Variants in ZNF66 observed in about 807,000 individuals in gnomAD.
ZNF66 encodes zinc finger protein 66, also known as putative zinc finger protein 66.
Under a neutral mutation model 35.2 loss-of-function variants are expected in ZNF66, and 32 were observed. The observed-to-expected ratio is 0.91, with a 90% confidence interval of 0.69 to 1.22. The LOEUF (loss-of-function observed/expected upper bound fraction) is 1.22, where lower values mean the gene tolerates loss of function less well. Among genes scored for constraint, ZNF66 ranks in the 50% most tolerant of loss-of-function variants. The probability of loss-of-function intolerance (pLI) is 0.00; values close to 1 mark genes in which losing one functional copy is unlikely to be tolerated. For missense variants in ZNF66, 666 were observed against 543.1 expected (o/e 1.23, Z -2.25); for synonymous variants, 231 against 181.3 (o/e 1.27, Z -2.20).
rs1218348367 is a variant in ZNF66 at position 20,808,164 on chromosome 19, GC to G, written c.*844del. 5.3e-5 allele frequency among the ~76,000 whole-genome samples: 8 copies of G among 152,196 alleles called. No individual in the cohort carries two copies. The highest frequency in any genetic ancestry group is 3.9e-4 in the Admixed American group (6 of 15,284). On this transcript the variant is annotated 3_prime_UTR_variant, in exon 4 of 4. Transcript: ENST00000344519. Reference sequence around the variant, plus strand: ...GCAGCAGCGAGGCTGGGGGAGGAGCGCCTGCCATTGCCCAGGCTTGCTTAGG... The same window carrying G: ...GCAGCAGCGAGGCTGGGGGAGGAGCGCTGCCATTGCCCAGGCTTGCTTAGG...
intron 1 of ZNF66, among the ~76,000 whole-genome samples, chr19:20,787,395 G>T (rs944957129): frequency 6.6e-6 from 1 of 152,152 alleles, no homozygotes; most frequent in African/African-American, 2.4e-5. Context: ...TACTTAGATT[G>T]TATTCCACTT....
chr19:20,792,468 G>A lies in ZNF66; in HGVS notation c.4-44G>A, dbSNP rs376463795. ...CACCTTAAGTCAAATTAAAAATTCC[G>A]CCCATAACCACTTGGTGAAAATGTG... On this transcript the variant is annotated intron_variant, in intron 1 of 3. Transcript: ENST00000344519. 2.1e-4 allele frequency: 301 copies of A among 1,445,538 alleles called. 2 individuals are homozygous for A. In the African/African-American group the frequency reaches 3.3e-3, roughly 16 times the overall value. 89.5% of individuals were successfully genotyped at this position (1,445,538 alleles called of 1,614,324 possible).
chr19:20,805,126 T>TGTGTGTGA (rs752355466), intron 3 of ZNF66, among the ~76,000 whole-genome samples: 6 of 146,082 alleles, frequency 4.1e-5, no homozygotes, highest in Admixed American at 1.4e-4. Context: ...TGTGTGTGTG[T>TGTGTGTGA]GAGAGAGAGA....
Position 20,776,433 on chromosome 19 carries a change from C to T in ZNF66, c.-15C>T, listed in dbSNP as rs1440245945. 1.9e-6 allele frequency: 3 copies of T among 1,559,178 alleles called. No individual in the cohort carries two copies. The South Asian group carries it at 3.3e-5, about 17-fold the overall frequency. On this transcript the variant is annotated 5_prime_UTR_variant, in exon 1 of 4. Transcript: ENST00000344519. ...ATCCACAGCTAAGACGCCAGGACCC[C>T]CTGGAAGCCTAGAAATGGTGAGAGT... is the stretch of plus-strand genomic sequence containing the variant.
At chr19:20,781,846 T>C (rs1243869008) in intron 1 of ZNF66, among the ~76,000 whole-genome samples, 2 of 151,810 alleles carry the variant, frequency 1.3e-5, no homozygotes, top group Non-Finnish European at 2.9e-5. Context: ...TCCAGCTTCA[T>C]TGATGTTATT....
intron 1 of ZNF66, chr19:20,784,518 A>G (rs1159697207): frequency 6.6e-6 from 1 of 152,184 alleles, no homozygotes; most frequent in Non-Finnish European, 1.5e-5. Flanking sequence ...CCCCAACACC[A>G]TAATACCTCT....
Position 20,792,569 on chromosome 19 carries a change from C to A in ZNF66, c.61C>A (p.Leu21Met), listed in dbSNP as rs1971348336. Residue 21 changes from leucine to methionine, a missense_variant, in exon 2 of 4, where the codon CTG becomes ATG. By Grantham distance (15) the Leu-to-Met change is conservative. Coordinates refer to ENST00000344519, the MANE Select transcript of ZNF66 (RefSeq NM_001355197.2). ...IEFSLEEWHCLDMAQRNLYRD... is the reference protein window; with the variant it reads ...IEFSLEEWHCMDMAQRNLYRD... ...ATTCTCTCTGGAGGAGTGGCATTGCCTGGACATGGCACAGCGGAATTTATA... is the reference window on the plus strand; with the variant it reads ...ATTCTCTCTGGAGGAGTGGCATTGCATGGACATGGCACAGCGGAATTTATA... 3.3e-6 allele frequency: 5 copies of A among 1,524,702 alleles called. No individual in the cohort carries two copies. The South Asian group carries it at 4.6e-5, about 14-fold the overall frequency. 94.4% of individuals were successfully genotyped at this position (1,524,702 alleles called of 1,614,324 possible).
At chr19:20,780,400 T>C (rs1971235156) in intron 1 of ZNF66, among the ~76,000 whole-genome samples, 1 of 152,176 alleles carries the variant, frequency 6.6e-6, no homozygotes, top group Non-Finnish European at 1.5e-5. Context: ...CATATTAAAC[T>C]GGTAAACATA....
rs145815410 is a variant in ZNF66 at position 20,808,936 on chromosome 19, T to TA, written c.*1620dup. On this transcript the variant is annotated 3_prime_UTR_variant, in exon 4 of 4. Transcript: ENST00000344519. ...AAATTCAAACCAAAGGCAAAGAAGT[T>TA]AAAAAATTAGACGAATGTATAACTA... 0.094 allele frequency among the ~76,000 whole-genome samples: 13,954 copies of TA among 148,674 alleles called. 839 individuals carry two copies. Among genetic ancestry groups the TA allele is most frequent in the Non-Finnish European group, 0.12 (8,303 of 66,724 alleles).
intron 3 of ZNF66, among the ~76,000 whole-genome samples, chr19:20,795,746 C>T (rs1188749443): frequency 1.3e-5 from 2 of 152,158 alleles, no homozygotes; most frequent in Admixed American, 1.3e-4. Flanking sequence ...AGAACCGCTT[C>T]AGGGATCCCA....
rs768636443 is a variant in ZNF66, at chr19:20,805,869, G to A, written c.269G>A (p.Ser90Asn). The change falls in exon 4 of 4, where the codon AGC becomes AAC. Residue 90 changes from serine to asparagine, a missense_variant. Ser to Asn is a conservative substitution (Grantham distance 46). Coordinates refer to ENST00000344519, the MANE Select transcript of ZNF66 (RefSeq NM_001355197.2). The stretch of plus-strand genomic sequence containing the variant: ...AACCAAGACCTTTGGCCAGAGCAGA[G>A]CATAAAAGATTCTTTCCAAAAACTG... ...HFNQDLWPEQ[S>N]IKDSFQKLIL... The A allele has an allele frequency of 3.1e-6, 2 of 649,456 alleles. No homozygotes were observed. The highest frequency in any genetic ancestry group is 2.1e-5 in the South Asian group (1 of 47,850). 40.2% of individuals were successfully genotyped at this position (649,456 alleles called of 1,614,324 possible).
At position 20,808,028 on chromosome 19, in the gene ZNF66, A is replaced by G. The variant is rs1236716854; in HGVS notation, c.*706A>G. 6.6e-6 allele frequency among the ~76,000 whole-genome samples: 1 copy of G among 152,172 alleles called. No individual in the cohort carries two copies. Among genetic ancestry groups the G allele is most frequent in the Admixed American group, 6.5e-5 (1 of 15,280 alleles). ...CCCACCCTAATACTGCGCAATTCCAATGGGCTTAAAAAATGGCACACCAGA... is the reference window on the plus strand; with the variant it reads ...CCCACCCTAATACTGCGCAATTCCAGTGGGCTTAAAAAATGGCACACCAGA... On this transcript the variant is annotated 3_prime_UTR_variant, in exon 4 of 4. Transcript: ENST00000344519.
At chr19:20,792,302 C>T (rs1478535144) in intron 1 of ZNF66, among the ~76,000 whole-genome samples, 1 of 148,518 alleles carries the variant, frequency 6.7e-6, no homozygotes, top group African/African-American at 2.5e-5. Context: ...AATATATGAA[C>T]TGATGTTGTG....
chr19:20,784,928 T>A (rs746753265), intron 1 of ZNF66: 1 of 153,352 alleles, frequency 6.5e-6, no homozygotes, highest in Non-Finnish European at 1.5e-5. Flanking sequence ...GCTTTGTCTG[T>A]TTCAGAAGCC....
intron 3 of ZNF66, among the ~76,000 whole-genome samples, chr19:20,796,277 T>A (rs1302004169): frequency 2.0e-5 from 3 of 152,180 alleles, no homozygotes; most frequent in Non-Finnish European, 4.4e-5. Context: ...TCTTTTCATC[T>A]TACTGATGTC....
At chr19:20,777,040 G>A (rs967919205) in intron 1 of ZNF66, among the ~76,000 whole-genome samples, 3 of 150,878 alleles carry the variant, frequency 2.0e-5, no homozygotes, top group African/African-American at 7.3e-5. Context: ...GCTTGAACCC[G>A]GGAGGCGGAG....
At chr19:20,792,926 C>T (rs887782967) in intron 2 of ZNF66, among the ~76,000 whole-genome samples, 4 of 151,842 alleles carry the variant, frequency 2.6e-5, no homozygotes, top group African/African-American at 7.3e-5. Context: ...AAATTAGCTG[C>T]GGGCTGTGGC....
chr19:20,781,370 CCT>C (rs1971243589), intron 1 of ZNF66, among the ~76,000 whole-genome samples: 1 of 152,124 alleles, frequency 6.6e-6, no homozygotes, highest in African/African-American at 2.4e-5. Context: ...GTTTTCTGAT[CCT>C]CTGAGTTCTC....
At chr19:20,788,739 A>G (rs1421503086) in intron 1 of ZNF66, among the ~76,000 whole-genome samples, 1 of 152,104 alleles carries the variant, frequency 6.6e-6, no homozygotes, top group East Asian at 1.9e-4. Context: ...CTAAGTGTAC[A>G]TATTTATTTT....
Sources: allele counts gnomAD v4.1 joint callset (sites outside exome capture counted in the v4.1 genomes callset), GRCh38; gene constraint gnomAD v4.1.1; transcripts MANE v1.5; gene names NCBI Gene and HGNC (gene_info 2026-07-23, HGNC 2026-07-21).